Variants in EPHA4 observed in about 807,000 individuals in gnomAD.
EPHA4 encodes EPH receptor A4, also known as ephrin type-A receptor 4.
A neutral mutation model predicts 108.3 loss-of-function variants in EPHA4; 19 were observed. The observed-to-expected ratio is 0.18, with a 90% CI of 0.12 to 0.26. EPHA4 has a LOEUF of 0.26. Among genes scored for constraint, EPHA4 ranks in the 10% least tolerant of loss-of-function variants. The pLI is 1.00. For synonymous variants in EPHA4, 449 were observed against 455.5 expected (o/e 0.99, Z 0.18); for missense variants, 917 against 1,254.0 (o/e 0.73, Z 4.06).
At chr2:221,523,913 G>T (rs1476022603) in intron 3 of EPHA4, among the ~76,000 whole-genome samples, 1 of 152,144 alleles carries the variant, frequency 6.6e-6, no homozygotes, top group South Asian at 2.1e-4. Flanking sequence ...TGAGCACCTG[G>T]TATGTCCTAG....
chr2:221,458,105 TC>T, intron 5 of EPHA4, 115 bp from the exon 6 acceptor site: 1 of 1,327,994 alleles, frequency 7.5e-7, no homozygotes, highest in Non-Finnish European at 1.0e-6. Flanking sequence ...TTGTCTTGTC[TC>T]CCCCTTGACC....
intron 8 of EPHA4, among the ~76,000 whole-genome samples, chr2:221,449,483 T>C (rs1277494630): frequency 2.0e-5 from 3 of 152,206 alleles, no homozygotes; most frequent in African/African-American, 2.4e-5. Context: ...GAGTGTTTTG[T>C]TAGTGAATGC....
chr2:221,487,906 T>C (rs1281235642), intron 4 of EPHA4, among the ~76,000 whole-genome samples: 1 of 152,180 alleles, frequency 6.6e-6, no homozygotes, highest in African/African-American at 2.4e-5. Flanking sequence ...ATTTGTAATA[T>C]AACTTAGTGG....
chr2:221,501,952 G>C (rs771017535), intron 3 of EPHA4, among the ~76,000 whole-genome samples: 3 of 152,010 alleles, frequency 2.0e-5, no homozygotes, highest in Admixed American at 6.5e-5. Flanking sequence ...AAACCCTCCT[G>C]TTTTTCCCTC....
intron 4 of EPHA4, among the ~76,000 whole-genome samples, chr2:221,486,594 T>G (rs1691980095): frequency 6.6e-6 from 1 of 151,808 alleles, no homozygotes; most frequent in Non-Finnish European, 1.5e-5. Context: ...ATTAGCCAGG[T>G]GTGCTGGCAC....
chr2:221,431,437 C>T (rs1459802850), intron 14 of EPHA4, among the ~76,000 whole-genome samples: 1 of 152,192 alleles, frequency 6.6e-6, no homozygotes, highest in African/African-American at 2.4e-5. Context: ...AGCACCGTTT[C>T]AGTTTAACAA....
intron 8 of EPHA4, among the ~76,000 whole-genome samples, chr2:221,454,542 G>A (rs1190389389): frequency 6.6e-6 from 1 of 152,180 alleles, no homozygotes; most frequent in Non-Finnish European, 1.5e-5. Context: ...GGATCCTTTT[G>A]ACATCCCCAG....
At chr2:221,453,459 A>G (rs1690845326) in intron 8 of EPHA4, among the ~76,000 whole-genome samples, 1 of 152,224 alleles carries the variant, frequency 6.6e-6, no homozygotes, top group Non-Finnish European at 1.5e-5. Flanking sequence ...GCATGCGTAC[A>G]TATACAAAAC....
chr2:221,461,715 G>A (rs980758246), intron 5 of EPHA4, among the ~76,000 whole-genome samples: 1 of 152,126 alleles, frequency 6.6e-6, no homozygotes, highest in Non-Finnish European at 1.5e-5. Flanking sequence ...AAATACTTTA[G>A]CCTCTTCTTA....
In EPHA4 at chr2:221,499,745, TATATA is replaced by T. The variant is rs1239307672; in HGVS notation, c.979+1267_979+1271del. On this transcript the variant is annotated intron_variant, in intron 4 of 17. Coordinates refer to ENST00000281821, the MANE Select transcript of EPHA4 (RefSeq NM_004438.5). ...ATATATATATATATATATATATATA[TATATA>T]TATATATTTTTTTTTTTTTTTTTTG... 2.3e-3 allele frequency among the ~76,000 whole-genome samples: 140 copies of T among 60,546 alleles called. 3 individuals carry two copies. The highest frequency in any genetic ancestry group is 0.022 in the East Asian group (41 of 1,884). 39.7% of individuals were successfully genotyped at this position (60,546 alleles called of 152,430 possible). A position where few individuals can be genotyped will look rare whatever the true frequency, so the allele number is the denominator to read the frequency against.
At chr2:221,502,608 A>C in intron 3 of EPHA4, 1 of 471,064 alleles carries the variant, frequency 2.1e-6, no homozygotes, top group Non-Finnish European at 4.4e-6. Flanking sequence ...GTCACTACTC[A>C]TCCATCAAGC....
At chr2:221,503,920 C>G (rs574849884) in intron 3 of EPHA4, among the ~76,000 whole-genome samples, 4 of 152,334 alleles carry the variant, frequency 2.6e-5, no homozygotes, top group African/African-American at 7.2e-5. Flanking sequence ...TTTCTTTGCT[C>G]TATGTGGTGC....
intron 3 of EPHA4, chr2:221,501,479 A>C (rs1692488773): frequency 7.8e-6 from 2 of 256,158 alleles, no homozygotes; most frequent in East Asian, 1.6e-4. Flanking sequence ...GATACCCTTT[A>C]TACACATTAT....
intron 4 of EPHA4, among the ~76,000 whole-genome samples, chr2:221,496,318 T>C (rs1182136289): frequency 1.3e-5 from 2 of 151,826 alleles, no homozygotes; most frequent in South Asian, 2.1e-4. Context: ...TATTGAGCAC[T>C]CAAAATGTGC....
At chr2:221,432,399 A>C (rs1459953408) in intron 14 of EPHA4, among the ~76,000 whole-genome samples, 1 of 152,208 alleles carries the variant, frequency 6.6e-6, no homozygotes, top group Non-Finnish European at 1.5e-5. Context: ...AGAAGCTACT[A>C]GAAGCTGTCT....
chr2:221,536,684 A>G (rs908785937), intron 3 of EPHA4, among the ~76,000 whole-genome samples: 1 of 152,236 alleles, frequency 6.6e-6, no homozygotes, highest in Non-Finnish European at 1.5e-5. Flanking sequence ...TTGAAACATA[A>G]TGTGAGAATA....
chr2:221,496,567 CAG>C (rs1209811453), intron 4 of EPHA4, among the ~76,000 whole-genome samples: 21 of 152,142 alleles, frequency 1.4e-4, no homozygotes, highest in African/African-American at 4.8e-4. Flanking sequence ...AGGAAGTCTT[CAG>C]AGGCTTATGC....
intron 13 of EPHA4, among the ~76,000 whole-genome samples, chr2:221,435,705 A>G (rs1271576525): frequency 2.0e-5 from 3 of 152,158 alleles, no homozygotes; most frequent in African/African-American, 7.2e-5. Context: ...CACAGCCATT[A>G]ACTGTGTACT....
intron 8 of EPHA4, among the ~76,000 whole-genome samples, chr2:221,451,847 G>A (rs149641796): frequency 1.3e-5 from 2 of 152,150 alleles, no homozygotes; most frequent in East Asian, 1.9e-4. Flanking sequence ...TTCTTTCACC[G>A]CGATCCCTAA....
Sources: allele counts gnomAD v4.1 joint callset (sites outside exome capture counted in the v4.1 genomes callset), GRCh38; gene constraint gnomAD v4.1.1; transcripts MANE v1.5; gene names NCBI Gene and HGNC (gene_info 2026-07-23, HGNC 2026-07-21).